FARS2: variants seen among roughly 807,000 people sequenced by gnomAD.
The protein encoded by FARS2 is phenylalanyl-tRNA synthetase 2, mitochondrial.
In FARS2, 40 loss-of-function variants were observed where a neutral mutation model predicts 46.4. That is an observed-to-expected ratio of 0.86 (90% CI 0.67 to 1.12). The LOEUF (loss-of-function observed/expected upper bound fraction) is 1.12, where lower values mean the gene tolerates loss of function less well. Among genes scored for constraint, FARS2 ranks in the 50% most tolerant of loss-of-function variants. The pLI is 0.00. For missense variants in FARS2, 513 were observed against 567.9 expected (o/e 0.90, Z 0.98); for synonymous variants, 234 against 214.9 (o/e 1.09, Z -0.78).
At chr6:5,544,003 C>A (rs1047253655) in intron 4 of FARS2, among the ~76,000 whole-genome samples, 1 of 151,768 alleles carries the variant, frequency 6.6e-6, no homozygotes, top group African/African-American at 2.4e-5. Context: ...GTCCCCTGAT[C>A]AGGATCTTAC....
intron 6 of FARS2, among the ~76,000 whole-genome samples, chr6:5,672,263 C>T (rs1436437897): frequency 6.6e-6 from 1 of 152,154 alleles, no homozygotes; most frequent in East Asian, 1.9e-4. Context: ...CCTGTGGTGG[C>T]CCGCCCTAAG....
At chr6:5,380,840 T>C (rs1224191543) in intron 2 of FARS2, among the ~76,000 whole-genome samples, 3 of 152,102 alleles carry the variant, frequency 2.0e-5, no homozygotes, top group African/African-American at 7.2e-5. Flanking sequence ...TTAAATGAAT[T>C]TGAAAGGTAA....
At chr6:5,443,856 G>A (rs368731969) in intron 4 of FARS2, among the ~76,000 whole-genome samples, 135 of 152,324 alleles carry the variant, frequency 8.9e-4, no homozygotes, top group Middle Eastern at 3.4e-3. Flanking sequence ...AGAAAATTCA[G>A]CTCATTTATT....
chr6:5,590,568 G>A (rs1773858880), intron 5 of FARS2, among the ~76,000 whole-genome samples: 1 of 152,178 alleles, frequency 6.6e-6, no homozygotes, highest in Admixed American at 6.6e-5. Flanking sequence ...TCCCAGCATA[G>A]CATCTGTTGA....
chr6:5,622,907 T>C (rs1216083807), intron 6 of FARS2, among the ~76,000 whole-genome samples: 1 of 152,238 alleles, frequency 6.6e-6, no homozygotes, highest in Admixed American at 6.5e-5. Flanking sequence ...GCTTGCTGGA[T>C]GGTTAACTAG....
At chr6:5,613,949 AAAG>A (rs1174105957) in intron 6 of FARS2, among the ~76,000 whole-genome samples, 1 of 152,202 alleles carries the variant, frequency 6.6e-6, no homozygotes, top group African/African-American at 2.4e-5. Flanking sequence ...GGCAGTGAAG[AAAG>A]AAGAAGGAGC....
At chr6:5,455,781 C>T (rs1764815654) in intron 4 of FARS2, among the ~76,000 whole-genome samples, 1 of 152,186 alleles carries the variant, frequency 6.6e-6, no homozygotes, top group South Asian at 2.1e-4. Context: ...TACTGTCTGG[C>T]TGACTGTTTG....
chr6:5,606,480 G>A (rs1026969422), intron 5 of FARS2, among the ~76,000 whole-genome samples: 1 of 152,070 alleles, frequency 6.6e-6, no homozygotes, highest in African/African-American at 2.4e-5. Context: ...TTTGCCTCCT[G>A]TGGACTTTCA....
At chr6:5,391,343 T>C (rs1293283561) in intron 2 of FARS2, among the ~76,000 whole-genome samples, 3 of 152,120 alleles carry the variant, frequency 2.0e-5, no homozygotes, top group Non-Finnish European at 4.4e-5. Context: ...GGGGAAATAA[T>C]AAGGATTGTG....
At chr6:5,685,160 G>C (rs942038355) in intron 6 of FARS2, among the ~76,000 whole-genome samples, 2 of 152,228 alleles carry the variant, frequency 1.3e-5, no homozygotes, top group East Asian at 3.9e-4. Flanking sequence ...AAAGGGGAGG[G>C]TTCCTATCAT....
chr6:5,708,600 C>T (rs1430665752), intron 6 of FARS2, among the ~76,000 whole-genome samples: 4 of 152,214 alleles, frequency 2.6e-5, no homozygotes, highest in African/African-American at 9.6e-5. Flanking sequence ...AGCAGGCTTC[C>T]TGCTGAAGCT....
At chr6:5,281,549 C>T (rs1325510801) in intron 1 of FARS2, among the ~76,000 whole-genome samples, 2 of 152,146 alleles carry the variant, frequency 1.3e-5, no homozygotes, top group African/African-American at 2.4e-5. Flanking sequence ...GAGGAAAACA[C>T]CACCATCATC....
chr6:5,534,796 G>A (rs1322627581), intron 4 of FARS2, among the ~76,000 whole-genome samples: 1 of 151,506 alleles, frequency 6.6e-6, no homozygotes, highest in African/African-American at 2.4e-5. Flanking sequence ...TACATATATA[G>A]AGACACACAT....
At chr6:5,284,016 G>GT (rs1251475031) in intron 1 of FARS2, among the ~76,000 whole-genome samples, 2 of 152,174 alleles carry the variant, frequency 1.3e-5, no homozygotes, top group African/African-American at 4.8e-5. Context: ...TTCTACAAAG[G>GT]TTTTTACCAG....
At chr6:5,615,007 A>T (rs769783846) in intron 6 of FARS2, among the ~76,000 whole-genome samples, 4 of 152,154 alleles carry the variant, frequency 2.6e-5, no homozygotes, top group African/African-American at 9.7e-5. Context: ...CTGATGCCAT[A>T]CTTGATCTTT....
At chr6:5,589,567 G>A (rs1773802370) in intron 5 of FARS2, among the ~76,000 whole-genome samples, 1 of 152,228 alleles carries the variant, frequency 6.6e-6, no homozygotes, top group African/African-American at 2.4e-5. Flanking sequence ...TGTACACTGA[G>A]TGCGGCTACC....
At chr6:5,458,781 C>T (rs533790273) in intron 4 of FARS2, among the ~76,000 whole-genome samples, 12 of 152,222 alleles carry the variant, frequency 7.9e-5, no homozygotes, top group East Asian at 1.9e-4. Flanking sequence ...TCAACATGGG[C>T]AGGTTTACAG....
At chr6:5,453,780 A>C (rs2503838) in intron 4 of FARS2, among the ~76,000 whole-genome samples, 36,016 of 152,088 alleles carry the variant, frequency 0.24, 4,681 homozygotes, top group East Asian at 0.35. Context: ...TTTTTGAAGG[A>C]GCTCACAGTG....
intron 4 of FARS2, among the ~76,000 whole-genome samples, chr6:5,528,810 G>C (rs1241046431): frequency 6.6e-6 from 1 of 152,164 alleles, no homozygotes; most frequent in African/African-American, 2.4e-5. Flanking sequence ...ATGCACACTG[G>C]AACTGTTCCT....
Sources: allele counts gnomAD v4.1 joint callset (sites outside exome capture counted in the v4.1 genomes callset), GRCh38; gene constraint gnomAD v4.1.1; transcripts MANE v1.5; gene names NCBI Gene and HGNC (gene_info 2026-07-23, HGNC 2026-07-21).